PDIK1L: variants seen among roughly 807,000 people sequenced by gnomAD.
PDIK1L encodes the protein serine/threonine-protein kinase PDIK1L.
A neutral mutation model predicts 27.1 loss-of-function variants in PDIK1L; 9 were observed. That is an observed-to-expected ratio of 0.33 (90% CI 0.20 to 0.58). The LOEUF is 0.58. Among genes scored for constraint, PDIK1L ranks in the 20% least tolerant of loss-of-function variants. The pLI, the probability that PDIK1L is intolerant of heterozygous loss-of-function variation, is 0.86. For missense variants in PDIK1L, 216 were observed against 413.2 expected (o/e 0.52, Z 4.14); for synonymous variants, 130 against 141.7 (o/e 0.92, Z 0.59).
chr1:26,122,615 T>C lies in PDIK1L; in HGVS notation c.*38T>C. On this transcript the variant is annotated 3_prime_UTR_variant, in exon 3 of 3. Transcript: ENST00000374269. The surrounding 1 kb of genome is among the most constrained non-coding windows in gnomAD (Gnocchi z 5.4). ...GCAAATACCATGGATGATATGCTGC[T>C]TCTGTTTAACAGTGATGCAACATTA... 1.3e-6 allele frequency: 2 copies of C among 1,560,076 alleles called. No individual in the cohort carries two copies. Among genetic ancestry groups the C allele is most frequent in the South Asian group, 1.2e-5 (1 of 82,072 alleles).
Position 26,111,964 on chromosome 1 carries a change from T to C in PDIK1L, c.-18+49T>C, listed in dbSNP as rs61776584. 35,723 of 152,064 alleles carry C rather than the reference T, an allele frequency of 0.23. 5,328 individuals are homozygous for C. The highest frequency in any genetic ancestry group is 0.42 in the African/African-American group (17,405 of 41,434). The allele number at this position is 152,064 out of a possible 1,614,324, so 9.4% of individuals were successfully genotyped here. A position where few individuals can be genotyped will look rare whatever the true frequency, so the allele number is the denominator to read the frequency against. On this transcript the variant is annotated intron_variant, in intron 1 of 2. Transcript: ENST00000374269. The surrounding 1 kb of genome is among the most constrained non-coding windows in gnomAD (Gnocchi z 4.0). Reference sequence around the variant, plus strand: ...CGGAGAGGTCTTGCTGCAGAGCCGATGGCCCTGCATGTGCCTCCCTCCCTG... The same window carrying C: ...CGGAGAGGTCTTGCTGCAGAGCCGACGGCCCTGCATGTGCCTCCCTCCCTG...
chr1:26,121,056 A>G (rs185114964), intron 2 of PDIK1L, among the ~76,000 whole-genome samples: 6 of 152,326 alleles, frequency 3.9e-5, no homozygotes, highest in East Asian at 1.9e-4. Context: ...ATAACTAGAT[A>G]ATAATAACAA....
chr1:26,125,175 A>T lies in PDIK1L; in HGVS notation c.*2598A>T, dbSNP rs1393370537. The T allele has an allele frequency of 6.6e-6, 1 of 152,604 alleles. No individual in the cohort carries two copies. Among genetic ancestry groups the T allele is most frequent in the Non-Finnish European group, 1.5e-5 (1 of 68,018 alleles). 9.5% of individuals were successfully genotyped at this position (152,604 alleles called of 1,614,324 possible). On this transcript the variant is annotated 3_prime_UTR_variant, in exon 3 of 3. Transcript: ENST00000374269. ...TTTGCACTAGTTGTCACTTAGAAAG[A>T]TGGGGTTCCTGTAGATTTTTTGGTG...
At chr1:26,118,406 G>A (rs1005358874) in intron 2 of PDIK1L, among the ~76,000 whole-genome samples, 7 of 152,192 alleles carry the variant, frequency 4.6e-5, no homozygotes, top group Non-Finnish European at 1.0e-4. Context: ...AGCTCATAAA[G>A]TTTTAAGATG....
In PDIK1L at chr1:26,114,682, C is replaced by T; in HGVS notation, c.285+89C>T. The T allele has an allele frequency of 1.4e-6, 2 of 1,394,076 alleles. No homozygotes were observed. Among genetic ancestry groups the T allele is most frequent in the Non-Finnish European group, 9.8e-7 (1 of 1,016,682 alleles). The allele number at this position is 1,394,076 out of a possible 1,614,324, so 86.4% of individuals were successfully genotyped here. ...ATGAAAGGGTCAGACGAACGTTTCC[C>T]TTTAAATGCAGGTGTTTGTAGTTAG... On this transcript the variant is annotated intron_variant, in intron 2 of 2. Transcript: ENST00000374269. This position sits in a 1 kb window ranked among gnomAD's most constrained non-coding sequence, Gnocchi z 4.8.
In PDIK1L at chr1:26,114,347, G is replaced by A; in HGVS notation, c.39G>A (p.Glu13=). 2 of 1,613,984 alleles carry A rather than the reference G, an allele frequency of 1.2e-6. No individual in the cohort carries two copies. The highest frequency in any genetic ancestry group is 1.7e-6 in the Non-Finnish European group (2 of 1,179,914). The change falls in exon 2 of 3, where the codon GAG becomes GAA. Residue 13 remains glutamate, a synonymous_variant. Transcript: ENST00000374269. This position sits in a 1 kb window ranked among gnomAD's most constrained non-coding sequence, Gnocchi z 4.8. ...SSQPKYDLIR[E]VGRGSYGVVY... ...AGCCAAAGTACGATCTAATACGGGA[G>A]GTAGGCCGAGGTAGTTACGGTGTTG...
chr1:26,119,068 A>T (rs1207707275), intron 2 of PDIK1L, among the ~76,000 whole-genome samples: 1 of 152,240 alleles, frequency 6.6e-6, no homozygotes, highest in Non-Finnish European at 1.5e-5. Context: ...TGAGAAGTAC[A>T]GGATGCATAC....
intron 1 of PDIK1L, among the ~76,000 whole-genome samples, chr1:26,113,027 T>C (rs919032192): frequency 6.6e-6 from 1 of 152,248 alleles, no homozygotes; most frequent in Admixed American, 6.5e-5. Context: ...CCCCTTGATA[T>C]GCAGGATCTT....
At position 26,114,996 on chromosome 1, in the gene PDIK1L, A is replaced by G. The variant is rs1298454165; in HGVS notation, c.285+403A>G. On this transcript the variant is annotated intron_variant, in intron 2 of 2. Coordinates refer to ENST00000374269, the MANE Select transcript of PDIK1L (RefSeq NM_152835.5). This position sits in a 1 kb window ranked among gnomAD's most constrained non-coding sequence, Gnocchi z 4.8. ...AGGTAATTGGGCATCTCTTTTATAA[A>G]TCACTGGTTTGAATGTAAGCCTCTG... is the stretch of plus-strand genomic sequence containing the variant. Among the ~76,000 whole-genome samples the G allele has an allele frequency of 1.3e-5, 2 of 152,230 alleles. No homozygotes were observed. Among genetic ancestry groups the G allele is most frequent in the Non-Finnish European group, 2.9e-5 (2 of 68,046 alleles).
chr1:26,114,671 C>A lies in PDIK1L; in HGVS notation c.285+78C>A. 1 of 1,457,102 alleles carries A rather than the reference C, an allele frequency of 6.9e-7. No homozygotes were observed. Among genetic ancestry groups the A allele is most frequent in the Non-Finnish European group, 9.4e-7 (1 of 1,065,854 alleles). 90.3% of individuals were successfully genotyped at this position (1,457,102 alleles called of 1,614,324 possible). The stretch of plus-strand genomic sequence containing the variant: ...CAAGAAGAGGAATGAAAGGGTCAGA[C>A]GAACGTTTCCCTTTAAATGCAGGTG... On this transcript the variant is annotated intron_variant, in intron 2 of 2. Transcript: ENST00000374269. This position sits in a 1 kb window ranked among gnomAD's most constrained non-coding sequence, Gnocchi z 4.8.
Position 26,122,670 on chromosome 1 carries a change from ACT to A in PDIK1L, c.*96_*97del. ...GCTGAAAAAGAATATAAAAAGCTAG[ACT>A]CTACCCTCTAAGGGTTTAGATTTTT... On this transcript the variant is annotated 3_prime_UTR_variant, in exon 3 of 3. Transcript: ENST00000374269. The surrounding 1 kb of genome is among the most constrained non-coding windows in gnomAD (Gnocchi z 5.4). 1.4e-6 allele frequency: 2 copies of A among 1,430,004 alleles called. No homozygotes were observed. Among genetic ancestry groups the A allele is most frequent in the South Asian group, 1.5e-5 (1 of 68,328 alleles). 88.6% of individuals were successfully genotyped at this position (1,430,004 alleles called of 1,614,324 possible).
rs1260517387 is a variant in PDIK1L at position 26,114,130 on chromosome 1, C to T, written c.-17-162C>T. 6.6e-6 allele frequency among the ~76,000 whole-genome samples: 1 copy of T among 152,122 alleles called. No homozygotes were observed. Among genetic ancestry groups the T allele is most frequent in the East Asian group, 1.9e-4 (1 of 5,192 alleles). ...ATACATGGTAAATACTACCTGTTAGCTTTATTGTTACTATTCTTAAAATTA... is the reference window on the plus strand; with the variant it reads ...ATACATGGTAAATACTACCTGTTAGTTTTATTGTTACTATTCTTAAAATTA... On this transcript the variant is annotated intron_variant, in intron 1 of 2. Coordinates refer to ENST00000374269, the MANE Select transcript of PDIK1L (RefSeq NM_152835.5). This position sits in a 1 kb window ranked among gnomAD's most constrained non-coding sequence, Gnocchi z 4.8.
rs192986192 is a variant in PDIK1L at position 26,120,507 on chromosome 1, A to G, written c.286-1330A>G. Among the ~76,000 whole-genome samples, 192 of 152,302 alleles carry G rather than the reference A, an allele frequency of 1.3e-3. 1 individual carries two copies. The highest frequency in any genetic ancestry group is 9.5e-3 in the Admixed American group (145 of 15,300). The stretch of plus-strand genomic sequence containing the variant: ...CCATGTGGAGAGATGGCGTGAAGAG[A>G]TGTTCTTTGCTTGTGCTTTCCCAGA... On this transcript the variant is annotated intron_variant, in intron 2 of 2. Coordinates refer to ENST00000374269, the MANE Select transcript of PDIK1L (RefSeq NM_152835.5).
At chr1:26,119,250 G>A (rs2087933042) in intron 2 of PDIK1L, among the ~76,000 whole-genome samples, 1 of 151,924 alleles carries the variant, frequency 6.6e-6, no homozygotes, top group Non-Finnish European at 1.5e-5. Flanking sequence ...AATACAAAAA[G>A]TTTAAAAATT....
chr1:26,122,680 C>CT lies in PDIK1L; in HGVS notation c.*104dup. 1.1e-5 allele frequency: 15 copies of CT among 1,324,612 alleles called. No individual in the cohort carries two copies. Among genetic ancestry groups the CT allele is most frequent in the Middle Eastern group, 4.3e-4 (2 of 4,610 alleles). 82.1% of individuals were successfully genotyped at this position (1,324,612 alleles called of 1,614,324 possible). The stretch of plus-strand genomic sequence containing the variant: ...AATATAAAAAGCTAGACTCTACCCT[C>CT]TAAGGGTTTAGATTTTTTGTGGGAT... On this transcript the variant is annotated 3_prime_UTR_variant, in exon 3 of 3. Coordinates refer to ENST00000374269, the MANE Select transcript of PDIK1L (RefSeq NM_152835.5). The surrounding 1 kb of genome is among the most constrained non-coding windows in gnomAD (Gnocchi z 5.4).
chr1:26,115,734 G>T (rs532924270), intron 2 of PDIK1L, among the ~76,000 whole-genome samples: 1 of 151,834 alleles, frequency 6.6e-6, no homozygotes, highest in Non-Finnish European at 1.5e-5. Flanking sequence ...CCGGGGAGGC[G>T]GAGCTTGCCG....
chr1:26,119,584 T>A (rs1569814028), intron 2 of PDIK1L, among the ~76,000 whole-genome samples: 1 of 152,166 alleles, frequency 6.6e-6, no homozygotes, highest in East Asian at 1.9e-4. Flanking sequence ...AAGAAGAGGC[T>A]GGGCGCAGTG....
Position 26,122,502 on chromosome 1 carries a change from G to A in PDIK1L, c.951G>A (p.Gln317=). The change falls in exon 3 of 3, where the codon CAG becomes CAA. Residue 317 remains glutamine, a synonymous_variant. Transcript: ENST00000374269. This position sits in a 1 kb window ranked among gnomAD's most constrained non-coding sequence, Gnocchi z 5.4. ...LIKEMLAANP[Q]DRPDAFELEL... ...AGGAAATGCTGGCTGCAAACCCTCA[G>A]GATCGTCCAGATGCTTTTGAACTAG... 6.2e-7 allele frequency: 1 copy of A among 1,614,060 alleles called. No individual in the cohort carries two copies. Among genetic ancestry groups the A allele is most frequent in the Non-Finnish European group, 8.5e-7 (1 of 1,179,998 alleles).
In PDIK1L at chr1:26,116,499, C is replaced by T. The variant is rs931939259; in HGVS notation, c.285+1906C>T. On this transcript the variant is annotated intron_variant, in intron 2 of 2. Transcript: ENST00000374269. Reference sequence around the variant, plus strand: ...CACTGCACTGCAGCCTGGGTGACAGCGAGATTCTGTCCCCCAAAACAAAAA... The same window carrying T: ...CACTGCACTGCAGCCTGGGTGACAGTGAGATTCTGTCCCCCAAAACAAAAA... Among the ~76,000 whole-genome samples, 5 of 152,062 alleles carry T rather than the reference C, an allele frequency of 3.3e-5. No homozygotes were observed. The South Asian group carries it at 1.0e-3, about 31-fold the overall frequency.
Sources: gnomAD v4.1 joint callset for allele counts (sites outside exome capture counted in the v4.1 genomes callset) on GRCh38, gnomAD v4.1.1 for gene constraint, Gnocchi (gnomAD v3.1) non-coding constraint, MANE v1.5 for transcripts, NCBI Gene and HGNC (gene_info 2026-07-23, HGNC 2026-07-21) for gene names.